The following DOCK3 variants were observed in gnomAD, a reference collection of about 807,000 sequenced individuals.
DOCK3 encodes the protein dedicator of cytokinesis 3.
A neutral mutation model predicts 265.6 loss-of-function variants in DOCK3; 60 were observed. The observed-to-expected ratio is 0.23, with a 90% CI of 0.18 to 0.28. The LOEUF (loss-of-function observed/expected upper bound fraction) is 0.28, where lower values mean the gene tolerates loss of function less well. Ranked by LOEUF, DOCK3 falls within the 10% of genes least tolerant of loss-of-function variation. The probability of loss-of-function intolerance (pLI) is 1.00; values close to 1 mark genes in which losing one functional copy is unlikely to be tolerated. For synonymous variants in DOCK3, 881 were observed against 938.0 expected (o/e 0.94, Z 1.11); for missense variants, 1,981 against 2,594.3 (o/e 0.76, Z 5.14).
intron 1 of DOCK3, among the ~76,000 whole-genome samples, chr3:50,713,292 A>G (rs1292085761): frequency 6.6e-6 from 1 of 152,202 alleles, no homozygotes; most frequent in Admixed American, 6.5e-5. Context: ...GTGAAGATAA[A>G]TTGAAAGGAT....
At chr3:51,226,412 G>A (rs1300370349) in intron 15 of DOCK3, among the ~76,000 whole-genome samples, 2 of 152,152 alleles carry the variant, frequency 1.3e-5, no homozygotes, top group African/African-American at 4.8e-5. Flanking sequence ...GGTGTTGTAC[G>A]AACCTTGCTT....
chr3:51,083,699 C>T (rs1276704302), intron 7 of DOCK3, among the ~76,000 whole-genome samples: 2 of 152,160 alleles, frequency 1.3e-5, no homozygotes, highest in Non-Finnish European at 2.9e-5. Context: ...GAAAGACTTT[C>T]TGGCCAAGCG....
chr3:51,034,317 G>A (rs1394337161), intron 5 of DOCK3, among the ~76,000 whole-genome samples: 1 of 151,166 alleles, frequency 6.6e-6, no homozygotes, highest in Non-Finnish European at 1.5e-5. Context: ...TTTCCCTTTT[G>A]CATCTTCTTT....
intron 12 of DOCK3, among the ~76,000 whole-genome samples, chr3:51,162,017 C>A (rs1021898132): frequency 1.3e-5 from 2 of 152,186 alleles, no homozygotes; most frequent in Admixed American, 1.3e-4. Context: ...TCTATCTTTG[C>A]TCATATAGTT....
In DOCK3 at chr3:51,227,394, A is replaced by G; in HGVS notation, c.1489A>G (p.Ile497Val). Residue 497 changes from isoleucine to valine, a missense_variant, in exon 16 of 53, where the codon ATT becomes GTT. Ile to Val is a conservative substitution (Grantham distance 29). Coordinates refer to ENST00000266037, the MANE Select transcript of DOCK3 (RefSeq NM_004947.5). The stretch of plus-strand genomic sequence containing the variant: ...AGAAATTATCAAATTGCCTATCCCC[A>G]TTGACCGGTTCCGGGGCTCCCACCT... ...WGEIIKLPIP[I>V]DRFRGSHLRF... is the part of the protein sequence containing the mutation. The G allele has an allele frequency of 1.2e-6, 2 of 1,613,946 alleles. No individual in the cohort carries two copies. The highest frequency in any genetic ancestry group is 1.3e-5 in the African/African-American group (1 of 75,050).
At chr3:50,678,543 A>G (rs773540188) in intron 1 of DOCK3, among the ~76,000 whole-genome samples, 1 of 152,220 alleles carries the variant, frequency 6.6e-6, no homozygotes, top group Admixed American at 6.5e-5. Context: ...CTTGAATAGA[A>G]AAGTGGTAAA....
intron 12 of DOCK3, among the ~76,000 whole-genome samples, chr3:51,189,057 C>A (rs1466548326): frequency 1.3e-5 from 2 of 152,164 alleles, no homozygotes. Context: ...TACATTCCCA[C>A]CAGTAGTGTA....
At chr3:51,251,857 T>G (rs2079261727) in intron 22 of DOCK3, among the ~76,000 whole-genome samples, 1 of 152,198 alleles carries the variant, frequency 6.6e-6, no homozygotes, top group Non-Finnish European at 1.5e-5. Context: ...CAGAAGCTCT[T>G]CAGTTTAATT....
At chr3:50,799,065 T>G (rs545421358) in intron 2 of DOCK3, among the ~76,000 whole-genome samples, 9 of 152,222 alleles carry the variant, frequency 5.9e-5, no homozygotes, top group Non-Finnish European at 8.8e-5. Flanking sequence ...TTGTCTATAC[T>G]GTTTTAGTGG....
At chr3:50,882,637 G>A (rs1338856852) in intron 3 of DOCK3, among the ~76,000 whole-genome samples, 1 of 152,156 alleles carries the variant, frequency 6.6e-6, no homozygotes, top group Non-Finnish European at 1.5e-5. Flanking sequence ...GAGAAGTTGT[G>A]GAGAAATAGG....
At chr3:51,136,289 A>G (rs2084791431) in intron 9 of DOCK3, among the ~76,000 whole-genome samples, 1 of 150,398 alleles carries the variant, frequency 6.6e-6, no homozygotes, top group Non-Finnish European at 1.5e-5. Flanking sequence ...GTGCAGTGGC[A>G]CGATCTCGGC....
intron 1 of DOCK3, among the ~76,000 whole-genome samples, chr3:50,759,566 T>C (rs967022091): frequency 6.6e-6 from 1 of 151,700 alleles, no homozygotes. Flanking sequence ...GGTTGGGTGT[T>C]TTGGCCCACA....
intron 1 of DOCK3, among the ~76,000 whole-genome samples, chr3:50,751,101 C>T (rs1158520035): frequency 6.6e-6 from 1 of 151,998 alleles, no homozygotes; most frequent in South Asian, 2.1e-4. Flanking sequence ...AGAAAAAGGG[C>T]ATAAGTATGT....
chr3:51,360,267 C>T (rs1262911144), intron 46 of DOCK3, among the ~76,000 whole-genome samples: 1 of 152,242 alleles, frequency 6.6e-6, no homozygotes, highest in African/African-American at 2.4e-5. Context: ...ATGTGCTTCT[C>T]TTAATGTGGA....
At chr3:51,257,647 G>A (rs2079621040) in intron 22 of DOCK3, among the ~76,000 whole-genome samples, 1 of 152,058 alleles carries the variant, frequency 6.6e-6, no homozygotes, top group Admixed American at 6.6e-5. Flanking sequence ...AGGGCACGGT[G>A]GATCTTCTTG....
In DOCK3 at chr3:50,854,592, GTTT is replaced by G. The variant is rs71084118; in HGVS notation, c.162+12893_162+12895del. On this transcript the variant is annotated intron_variant, in intron 3 of 52. Coordinates refer to ENST00000266037, the MANE Select transcript of DOCK3 (RefSeq NM_004947.5). ...GCTACAGATGAGCACCATCACACCAGTTTTTTTTTTTTTTTTTTGGTGGTCTCA... is the reference window on the plus strand; with the variant it reads ...GCTACAGATGAGCACCATCACACCAGTTTTTTTTTTTTTTTGGTGGTCTCA... Among the ~76,000 whole-genome samples the G allele has an allele frequency of 1.1e-4, 5 of 47,214 alleles. 1 individual carries two copies. Among genetic ancestry groups the G allele is most frequent in the African/African-American group, 3.4e-4 (4 of 11,748 alleles). 31.0% of individuals were successfully genotyped at this position (47,214 alleles called of 152,430 possible).
chr3:50,878,923 A>G (rs2047869136), intron 3 of DOCK3, among the ~76,000 whole-genome samples: 2 of 152,154 alleles, frequency 1.3e-5, no homozygotes, highest in South Asian at 2.1e-4. Context: ...GACTAACAGC[A>G]GATCTCTCGG....
intron 2 of DOCK3, chr3:50,787,535 A>G (rs1157581931): frequency 6.2e-6 from 4 of 647,238 alleles, no homozygotes; most frequent in African/African-American, 3.7e-5. Flanking sequence ...AACTGTCTCA[A>G]AAACAAAAAA....
chr3:51,090,466 G>A lies in DOCK3; in HGVS notation c.746+82G>A. On this transcript the variant is annotated intron_variant, in intron 9 of 52. Coordinates refer to ENST00000266037, the MANE Select transcript of DOCK3 (RefSeq NM_004947.5). ...GCATCTCTGGCCATCAGAGAAGACAGATGCACAGAAGAGGCAAAACAAGAT... is the reference window on the plus strand; with the variant it reads ...GCATCTCTGGCCATCAGAGAAGACAAATGCACAGAAGAGGCAAAACAAGAT... 2.9e-6 allele frequency: 4 copies of A among 1,395,806 alleles called. No individual in the cohort carries two copies. The South Asian group carries it at 6.3e-5, about 22-fold the overall frequency. The allele number at this position is 1,395,806 out of a possible 1,614,324, so 86.5% of individuals were successfully genotyped here. A position where few individuals can be genotyped will look rare whatever the true frequency, so the allele number is the denominator to read the frequency against.
Sources: allele counts gnomAD v4.1 joint callset (sites outside exome capture counted in the v4.1 genomes callset), GRCh38; gene constraint gnomAD v4.1.1; transcripts MANE v1.5; gene names NCBI Gene and HGNC (gene_info 2026-07-23, HGNC 2026-07-21).